Variants in PITPNM1 observed in about 807,000 individuals in gnomAD.
PITPNM1 encodes membrane-associated phosphatidylinositol transfer protein 1.
PITPNM1 carries 74 observed loss-of-function variants against 133.3 expected under a neutral mutation model. That is an observed-to-expected ratio of 0.56 (90% CI 0.46 to 0.67). The LOEUF is 0.67. PITPNM1 is among the 30% of genes least tolerant of loss of function. The pLI is 0.00. For synonymous variants in PITPNM1, 738 were observed against 741.4 expected (o/e 1.00, Z 0.08); for missense variants, 1,398 against 1,739.5 (o/e 0.80, Z 3.49).
At chr11:67,493,354 G>A in intron 22 of PITPNM1, 56 bp downstream of exon 22, 1 of 1,478,338 alleles carries the variant, frequency 6.8e-7, no homozygotes, top group Admixed American at 2.1e-5. Context: ...CGGGGGTGGA[G>A]GGTAAGGGGG....
intron 2 of PITPNM1, 129 bp downstream of exon 2, chr11:67,503,974 T>C: frequency 1.6e-6 from 1 of 631,704 alleles, no homozygotes; most frequent in South Asian, 2.0e-5. Context: ...TCCTTCCCCA[T>C]TCCCACATCT....
Position 67,500,319 on chromosome 11 carries a change from G to C in PITPNM1, c.743C>G (p.Thr248Ser). ...CATGCGCTGGGCCAGCATGCGAGCA[G>C]TCTCCTCTTCCAGTGCCCGGATGTC... is the stretch of plus-strand genomic sequence containing the variant. ...MADIRALEEETARMLAQRMAK... is the reference protein window; with the variant it reads ...MADIRALEEESARMLAQRMAK... Residue 248 changes from threonine to serine, a missense_variant, in exon 6 of 24, where the codon ACT becomes AGT. Thr to Ser is a moderately conservative substitution (Grantham distance 58). Around this residue, in one of 5 missense-constraint regions of PITPNM1, gnomAD observed 274 missense variants for 360.7 expected, o/e 0.76. Coordinates refer to ENST00000356404, the MANE Select transcript of PITPNM1 (RefSeq NM_004910.3). The C allele has an allele frequency of 6.2e-7, 1 of 1,611,970 alleles. No homozygotes were observed. The highest frequency in any genetic ancestry group is 8.5e-7 in the Non-Finnish European group (1 of 1,179,896).
Position 67,504,111 on chromosome 11 carries a change from T to C in PITPNM1, c.70A>G (p.Met24Val). Residue 24 changes from methionine (M) to valine (V), a missense_variant, in exon 2 of 24, where the codon ATG becomes GTG. Physicochemically the swap from Met to Val is conservative, Grantham distance 21 (BLOSUM62 1). Coordinates refer to ENST00000356404, the MANE Select transcript of PITPNM1 (RefSeq NM_004910.3). This position sits in a 1 kb window ranked among gnomAD's most constrained non-coding sequence, Gnocchi z 5.4. ...LDEYQVAQLY[M>V]IQKKSREESS... ...CTCCCCGCCGCCCTCACCTGGATCATGTAGAGCTGGGCCACCTGGTACTCG... is the reference window on the plus strand; with the variant it reads ...CTCCCCGCCGCCCTCACCTGGATCACGTAGAGCTGGGCCACCTGGTACTCG... The C allele has an allele frequency of 6.2e-7, 1 of 1,605,310 alleles. No individual in the cohort carries two copies. Among genetic ancestry groups the C allele is most frequent in the Non-Finnish European group, 8.5e-7 (1 of 1,177,136 alleles).
intron 23 of PITPNM1, among the ~76,000 whole-genome samples, 188 bp downstream of exon 23, chr11:67,492,746 C>T (rs950507942): frequency 3.3e-5 from 5 of 152,376 alleles, no homozygotes; most frequent in South Asian, 2.1e-4. Context: ...TGTGGGCTGT[C>T]CCCTCTGGCT....
In PITPNM1 at chr11:67,495,429, C is replaced by T; in HGVS notation, c.2482+9G>A. ...CCCCAGGCTGGACTGCCTAGGCTGG[C>T]TGACTTACTCTTAACCACCTCACTG... On this transcript the variant is annotated intron_variant, in intron 16 of 23. Transcript: ENST00000356404. The T allele has an allele frequency of 2.0e-6, 3 of 1,492,384 alleles. No individual in the cohort carries two copies. Among genetic ancestry groups the T allele is most frequent in the Non-Finnish European group, 2.7e-6 (3 of 1,117,266 alleles). The allele number at this position is 1,492,384 out of a possible 1,614,324, so 92.4% of individuals were successfully genotyped here. A position where few individuals can be genotyped will look rare whatever the true frequency, so the allele number is the denominator to read the frequency against.
At position 67,498,468 on chromosome 11, in the gene PITPNM1, C is replaced by T. The variant is rs927683054; in HGVS notation, c.1484+128G>A. On this transcript the variant is annotated intron_variant, in intron 10 of 23. Coordinates refer to ENST00000356404, the MANE Select transcript of PITPNM1 (RefSeq NM_004910.3). This position sits in a 1 kb window ranked among gnomAD's most constrained non-coding sequence, Gnocchi z 5.7. Reference sequence around the variant, plus strand: ...AAGAGGCAACTGAAATGGAGCCATTCTCCAGAACAGGTCCAGCCATGCCAG... The same window carrying T: ...AAGAGGCAACTGAAATGGAGCCATTTTCCAGAACAGGTCCAGCCATGCCAG... The T allele has an allele frequency of 8.9e-6, 13 of 1,460,400 alleles. No individual in the cohort carries two copies. Among genetic ancestry groups the T allele is most frequent in the Non-Finnish European group, 1.1e-5 (12 of 1,085,212 alleles). 90.5% of individuals were successfully genotyped at this position (1,460,400 alleles called of 1,614,324 possible).
chr11:67,494,137 C>G (rs1591052902), intron 19 of PITPNM1, 67 bp from the exon 20 acceptor site: 1 of 1,532,582 alleles, frequency 6.5e-7, no homozygotes, highest in East Asian at 2.3e-5. Context: ...GCGGGGCTGT[C>G]GTCGGGGATG....
rs756862928 is a variant in PITPNM1, at chr11:67,498,897, T to A, written c.1233+43A>T. On this transcript the variant is annotated intron_variant, in intron 9 of 23. Coordinates refer to ENST00000356404, the MANE Select transcript of PITPNM1 (RefSeq NM_004910.3). This position sits in a 1 kb window ranked among gnomAD's most constrained non-coding sequence, Gnocchi z 5.7. ...GGTGTCACAGCAGTGGCCGGGCCAG[T>A]GAGTAGGGGGAGCTTTGACATGGGG... The A allele has an allele frequency of 1.2e-6, 2 of 1,610,730 alleles. No individual in the cohort carries two copies. The highest frequency in any genetic ancestry group is 1.7e-6 in the Non-Finnish European group (2 of 1,178,034).
At chr11:67,503,976 C>G (rs1866411816) in intron 2 of PITPNM1, 127 bp downstream of exon 2, 1 of 644,870 alleles carries the variant, frequency 1.6e-6, no homozygotes, top group African/African-American at 1.9e-5. Context: ...CTTCCCCATT[C>G]CCACATCTGA....
intron 2 of PITPNM1, among the ~76,000 whole-genome samples, chr11:67,503,247 G>A (rs1295516079): frequency 1.3e-5 from 2 of 152,226 alleles, no homozygotes; most frequent in Non-Finnish European, 2.9e-5. Flanking sequence ...GGTGAGGTAG[G>A]AGGAGGTGCT....
intron 23 of PITPNM1, 100 bp downstream of exon 23, chr11:67,492,834 C>T (rs2134265842): frequency 1.4e-6 from 2 of 1,433,458 alleles, no homozygotes; most frequent in Non-Finnish European, 1.9e-6. Context: ...GCCGGTTAGG[C>T]CTTCTCACAT....
chr11:67,495,396 T>G, intron 16 of PITPNM1, 42 bp downstream of exon 16: 1 of 1,461,950 alleles, frequency 6.8e-7, no homozygotes, highest in Non-Finnish European at 9.1e-7. Context: ...AATACGGGCC[T>G]CCCCCACCCC....
Position 67,504,011 on chromosome 11 carries a change from G to C in PITPNM1, c.78+92C>G. ...AAGGGGGGCCTCTCTTGCCTCCTCCGGGCTCCCAGCCGGTCCCAGCCCCGG... is the reference window on the plus strand; with the variant it reads ...AAGGGGGGCCTCTCTTGCCTCCTCCCGGCTCCCAGCCGGTCCCAGCCCCGG... On this transcript the variant is annotated intron_variant, in intron 2 of 23. Transcript: ENST00000356404. This position sits in a 1 kb window ranked among gnomAD's most constrained non-coding sequence, Gnocchi z 5.4. The C allele has an allele frequency of 1.0e-6, 1 of 956,256 alleles. No homozygotes were observed. The highest frequency in any genetic ancestry group is 1.5e-6 in the Non-Finnish European group (1 of 649,520). The allele number at this position is 956,256 out of a possible 1,614,324, so 59.2% of individuals were successfully genotyped here.
At position 67,491,928 on chromosome 11, in the gene PITPNM1, G is replaced by C. The variant is rs533561593; in HGVS notation, c.*105C>G. ...GAGATATAGGGTGTGGGGCTGGGGGGGCCAGCGCTGGGGCCAAAAGTCTGG... is the reference window on the plus strand; with the variant it reads ...GAGATATAGGGTGTGGGGCTGGGGGCGCCAGCGCTGGGGCCAAAAGTCTGG... On this transcript the variant is annotated 3_prime_UTR_variant, in exon 24 of 24. Transcript: ENST00000356404. 10 of 1,283,598 alleles carry C rather than the reference G, an allele frequency of 7.8e-6. No homozygotes were observed. In the African/African-American group the frequency reaches 1.3e-4, roughly 17 times the overall value. The allele number at this position is 1,283,598 out of a possible 1,614,324, so 79.5% of individuals were successfully genotyped here. A position where few individuals can be genotyped will look rare whatever the true frequency, so the allele number is the denominator to read the frequency against.
In PITPNM1 at chr11:67,498,057, C is replaced by G. The variant is rs2134300038; in HGVS notation, c.1675-33G>C. 1.9e-6 allele frequency: 3 copies of G among 1,607,394 alleles called. No homozygotes were observed. Among genetic ancestry groups the G allele is most frequent in the African/African-American group, 2.7e-5 (2 of 75,018 alleles). ...GGAGCAGGGGCACCATCAGGAGAGG[C>G]CTTGTCCTCACCCAGGCCAGACTAC... On this transcript the variant is annotated intron_variant, in intron 11 of 23. Transcript: ENST00000356404. This position sits in a 1 kb window ranked among gnomAD's most constrained non-coding sequence, Gnocchi z 5.7.
chr11:67,497,206 C>A (rs773088623), intron 14 of PITPNM1, 25 bp downstream of exon 14: 1 of 1,553,338 alleles, frequency 6.4e-7, no homozygotes, highest in East Asian at 2.3e-5. Flanking sequence ...AGACTAGAGG[C>A]GCCCCCGCAG....
In PITPNM1 at chr11:67,497,690, C is replaced by T; in HGVS notation, c.1783-11G>A. 6.2e-7 allele frequency: 1 copy of T among 1,607,936 alleles called. No homozygotes were observed. Among genetic ancestry groups the T allele is most frequent in the Non-Finnish European group, 8.5e-7 (1 of 1,178,618 alleles). On this transcript the variant is annotated splice_polypyrimidine_tract_variant and intron_variant, in intron 12 of 23. Transcript: ENST00000356404. ...GAGCAGCTCATTGTTCTGGATGGAA[C>T]AGGAGACAGAAACATTCTTAGGCCT... is the stretch of plus-strand genomic sequence containing the variant.
upstream of PITPNM1, among the ~76,000 whole-genome samples, chr11:67,505,806 T>C (rs1422536678): frequency 1.3e-5 from 2 of 152,204 alleles, no homozygotes; most frequent in African/African-American, 4.8e-5. This position sits in a 1 kb window ranked among gnomAD's most constrained non-coding sequence, Gnocchi z 5.8. Flanking sequence ...CCCAGGCCTC[T>C]ATGGTCACCC....
intron 5 of PITPNM1, among the ~76,000 whole-genome samples, chr11:67,500,981 T>A (rs1386267734): frequency 6.6e-6 from 1 of 152,242 alleles, no homozygotes; most frequent in Admixed American, 6.5e-5. Context: ...GGAATCTTAG[T>A]AGTGGCTATA....
Sources: allele counts gnomAD v4.1 joint callset (sites outside exome capture counted in the v4.1 genomes callset), GRCh38; gene constraint gnomAD v4.1.1; regional missense constraint gnomAD v4.1.1; non-coding constraint Gnocchi (gnomAD v3.1); transcripts MANE v1.5; gene names NCBI Gene and HGNC (gene_info 2026-07-23, HGNC 2026-07-21).